CA10: variants seen among roughly 807,000 people sequenced by gnomAD.
The protein encoded by CA10 is carbonic anhydrase 10 (inactive).
CA10 carries 14 observed loss-of-function variants against 44.2 expected under a neutral mutation model. The observed-to-expected ratio is 0.32, with a 90% confidence interval of 0.21 to 0.50. The LOEUF (loss-of-function observed/expected upper bound fraction) is 0.50. Ranked by LOEUF, CA10 falls within the 20% of genes least tolerant of loss-of-function variation. The pLI, the probability that CA10 is intolerant of heterozygous loss-of-function variation, is 0.99. For synonymous variants in CA10, 159 were observed against 141.6 expected (o/e 1.12, Z -0.87); for missense variants, 350 against 409.7 (o/e 0.85, Z 1.26).
chr17:51,820,110 CCCAAGTTCCA>C (rs1007013671), intron 3 of CA10, among the ~76,000 whole-genome samples: 7 of 151,742 alleles, frequency 4.6e-5, no homozygotes, highest in African/African-American at 1.7e-4. Context: ...AATGACTTGT[CCCAAGTTCCA>C]CAGCTTGCAA....
chr17:52,109,097 G>A (rs1988735701), intron 1 of CA10, among the ~76,000 whole-genome samples: 1 of 152,124 alleles, frequency 6.6e-6, no homozygotes, highest in African/African-American at 2.4e-5. Context: ...AAATTAATCT[G>A]TAAGTTTATT....
chr17:51,723,323 G>A (rs1201173180), intron 4 of CA10, among the ~76,000 whole-genome samples: 1 of 152,208 alleles, frequency 6.6e-6, no homozygotes, highest in African/African-American at 2.4e-5. Context: ...AGTTCAAAAG[G>A]TGAGGCTAGG....
At chr17:51,708,174 G>A (rs1038723033) in intron 4 of CA10, among the ~76,000 whole-genome samples, 9 of 152,234 alleles carry the variant, frequency 5.9e-5, no homozygotes, top group Admixed American at 2.0e-4. Flanking sequence ...CAGGAGCTTC[G>A]AAAGGAGGCA....
intron 1 of CA10, among the ~76,000 whole-genome samples, chr17:52,092,883 A>G (rs919027939): frequency 6.6e-6 from 1 of 152,170 alleles, no homozygotes; most frequent in Non-Finnish European, 1.5e-5. Flanking sequence ...TATTCTCTGT[A>G]AAAAATAAAA....
chr17:51,722,028 C>T (rs1916366048), intron 4 of CA10, among the ~76,000 whole-genome samples: 1 of 152,130 alleles, frequency 6.6e-6, no homozygotes, highest in Non-Finnish European at 1.5e-5. Flanking sequence ...TTATGATTGG[C>T]CTCTGAAGTA....
At chr17:52,151,517 A>C (rs1035645692) in intron 1 of CA10, among the ~76,000 whole-genome samples, 1 of 152,048 alleles carries the variant, frequency 6.6e-6, no homozygotes, top group African/African-American at 2.4e-5. Flanking sequence ...CTATTTTACA[A>C]CATGTACTCT....
At chr17:52,020,005 C>T (rs902031286) in intron 2 of CA10, among the ~76,000 whole-genome samples, 4 of 151,754 alleles carry the variant, frequency 2.6e-5, no homozygotes, top group African/African-American at 7.3e-5. Flanking sequence ...GTTACAGTCT[C>T]CTACTATAAT....
chr17:52,081,755 C>T (rs981517314), intron 1 of CA10, among the ~76,000 whole-genome samples: 2 of 150,344 alleles, frequency 1.3e-5, no homozygotes, highest in African/African-American at 4.9e-5. Flanking sequence ...AGCCGAGATC[C>T]CGCCACTGCA....
At chr17:51,945,157 A>G (rs192880913) in intron 2 of CA10, among the ~76,000 whole-genome samples, 257 of 152,290 alleles carry the variant, frequency 1.7e-3, no homozygotes, top group African/African-American at 5.8e-3. Flanking sequence ...GATTTAGTTA[A>G]TTGGCTGGTT....
At chr17:51,836,212 C>G (rs750420177) in intron 3 of CA10, among the ~76,000 whole-genome samples, 1 of 152,118 alleles carries the variant, frequency 6.6e-6, no homozygotes, top group Non-Finnish European at 1.5e-5. Context: ...GTTGACTTGG[C>G]CAAAAAGCAA....
chr17:52,092,085 C>T (rs752921609), intron 1 of CA10, among the ~76,000 whole-genome samples: 15 of 152,110 alleles, frequency 9.9e-5, no homozygotes, highest in Admixed American at 6.6e-5. Flanking sequence ...CTGTCTGTCT[C>T]TGTATTTGTC....
At chr17:52,028,914 C>T (rs1354601074) in intron 2 of CA10, among the ~76,000 whole-genome samples, 7 of 152,196 alleles carry the variant, frequency 4.6e-5, no homozygotes, top group Admixed American at 1.3e-4. Context: ...ACATAGCTTA[C>T]GCTAAAACTC....
At chr17:51,694,496 T>G (rs1028271199) in intron 4 of CA10, among the ~76,000 whole-genome samples, 5 of 115,564 alleles carry the variant, frequency 4.3e-5, no homozygotes, top group Non-Finnish European at 6.5e-5. Flanking sequence ...TTTAATGGGG[T>G]TTTTTTTTTT....
chr17:51,936,294 C>T (rs1982861511), intron 2 of CA10, among the ~76,000 whole-genome samples: 1 of 152,058 alleles, frequency 6.6e-6, no homozygotes, highest in Admixed American at 6.6e-5. Context: ...GGGAGATAAA[C>T]AAGTTTCTAT....
intron 4 of CA10, among the ~76,000 whole-genome samples, chr17:51,734,663 C>T (rs1916837947): frequency 6.6e-6 from 1 of 152,102 alleles, no homozygotes; most frequent in Non-Finnish European, 1.5e-5. Context: ...AAGGGCACCA[C>T]CTGGAGGCCA....
At chr17:51,793,950 T>C (rs1906614857) in intron 3 of CA10, among the ~76,000 whole-genome samples, 1 of 152,364 alleles carries the variant, frequency 6.6e-6, no homozygotes, top group Admixed American at 6.5e-5. Context: ...CAGAGTCCTT[T>C]TCTCTTTGTA....
chr17:51,650,226 T>A (rs75613774), intron 5 of CA10, among the ~76,000 whole-genome samples: 2,544 of 152,264 alleles, frequency 0.017, 37 homozygotes, highest in Admixed American at 0.026. Flanking sequence ...AAAACACCTG[T>A]TTACTCAGCC....
At chr17:51,813,889 A>C (rs558717004) in intron 3 of CA10, among the ~76,000 whole-genome samples, 1 of 152,336 alleles carries the variant, frequency 6.6e-6, no homozygotes, top group East Asian at 1.9e-4. Context: ...TCTGACCCTA[A>C]ATCTAGCACT....
Position 51,706,972 on chromosome 17 carries a change from C to T in CA10, c.465+40661G>A, listed in dbSNP as rs1286323533. ...CTGGACGCCTTTTCCTATAACTCATCCCCTACTTTATTTTACCCACAGCGC... is the reference window on the plus strand; with the variant it reads ...CTGGACGCCTTTTCCTATAACTCATTCCCTACTTTATTTTACCCACAGCGC... On this transcript the variant is annotated intron_variant, in intron 4 of 8. Coordinates refer to ENST00000451037, the MANE Select transcript of CA10 (RefSeq NM_020178.5). Among the ~76,000 whole-genome samples the T allele has an allele frequency of 2.0e-5, 3 of 152,186 alleles. No individual in the cohort carries two copies. In the East Asian group the frequency reaches 5.8e-4, roughly 29 times the overall value.
Sources: allele counts gnomAD v4.1 joint callset (sites outside exome capture counted in the v4.1 genomes callset), GRCh38; gene constraint gnomAD v4.1.1; transcripts MANE v1.5; gene names NCBI Gene and HGNC (gene_info 2026-07-23, HGNC 2026-07-21).